The following WEE2 variants were observed in gnomAD, a reference collection of about 807,000 sequenced individuals.
WEE2 encodes WEE2 oocyte meiosis inhibiting kinase.
Under a neutral mutation model 60.1 loss-of-function variants are expected in WEE2, and 50 were observed. That is an observed-to-expected ratio of 0.83 (90% CI 0.66 to 1.05). The LOEUF (loss-of-function observed/expected upper bound fraction) is 1.05. Ranked by LOEUF, WEE2 falls within the 50% of genes least tolerant of loss-of-function variation. The pLI is 0.00. For synonymous variants in WEE2, 240 were observed against 241.0 expected (o/e 1.00, Z 0.04); for missense variants, 631 against 684.3 (o/e 0.92, Z 0.87).
At chr7:141,712,178 C>G (rs1001155245) in intron 1 of WEE2, among the ~76,000 whole-genome samples, 2 of 152,184 alleles carry the variant, frequency 1.3e-5, no homozygotes. Context: ...GGGGACTCAT[C>G]ATATTGACTG....
intron 1 of WEE2, among the ~76,000 whole-genome samples, chr7:141,710,275 G>C (rs1328707600): frequency 6.6e-6 from 1 of 152,178 alleles, no homozygotes; most frequent in Non-Finnish European, 1.5e-5. Flanking sequence ...GAACCCGCTG[G>C]ACAGATTCTC....
chr7:141,721,193 TCTTGCTTGGAAGC>T, intron 5 of WEE2, 137 bp downstream of exon 5: 11 of 1,013,094 alleles, frequency 1.1e-5, no homozygotes, highest in Non-Finnish European at 1.3e-5. Flanking sequence ...TATATTATAG[TCTTGCTTGGAAGC>T]ACAGAGCTTC....
At position 141,724,462 on chromosome 7, in the gene WEE2, G is replaced by A. The variant is rs77764535; in HGVS notation, c.1221+187G>A. Among the ~76,000 whole-genome samples, 757 of 152,322 alleles carry A rather than the reference G, an allele frequency of 5.0e-3. 7 individuals are homozygous for A. Among genetic ancestry groups the A allele is most frequent in the African/African-American group, 0.017 (718 of 41,562 alleles). On this transcript the variant is annotated intron_variant, in intron 8 of 11. Coordinates refer to ENST00000397541, the MANE Select transcript of WEE2 (RefSeq NM_001105558.1). Reference sequence around the variant, plus strand: ...AAGTGAGGAAAGCTGGCTCAGTCAAGGATGAATCAGTATTCAGACTATTCT... The same window carrying A: ...AAGTGAGGAAAGCTGGCTCAGTCAAAGATGAATCAGTATTCAGACTATTCT...
chr7:141,710,905 G>T (rs1798699962), intron 1 of WEE2, among the ~76,000 whole-genome samples: 2 of 152,034 alleles, frequency 1.3e-5, no homozygotes, highest in Admixed American at 1.3e-4. Context: ...GGATTTTTTT[G>T]GAAAAATCAT....
Position 141,709,071 on chromosome 7 carries a change from C to T in WEE2, c.313C>T (p.Leu105=). 1 of 1,614,010 alleles carries T rather than the reference C, an allele frequency of 6.2e-7. No homozygotes were observed. The highest frequency in any genetic ancestry group is 1.7e-5 in the Admixed American group (1 of 60,026). Residue 105 remains leucine, a synonymous_variant, in exon 1 of 12, where the codon CTG becomes TTG. Transcript: ENST00000397541. The part of the protein sequence containing the change: ...PAQPDSRSKL[L]PSDSPSTPKT... ...CCAACCAGACAGCAGGAGCAAGCTG[C>T]TGCCCAGTGACAGCCCCTCTACTCC...
chr7:141,713,949 G>T (rs1798748860), intron 1 of WEE2, among the ~76,000 whole-genome samples: 1 of 152,152 alleles, frequency 6.6e-6, no homozygotes, highest in South Asian at 2.1e-4. Context: ...TAACAGAATT[G>T]CCCAGGGGAA....
Position 141,719,112 on chromosome 7 carries a change from A to G in WEE2, c.626A>G (p.Glu209Gly). ...LRETNMASRY[E>G]KEFLEVEKIG... ...GAAACCAACATGGCTTCCCGCTATGAAAAAGAATTCTTGGAGGTTGAAAAA... is the reference window on the plus strand; with the variant it reads ...GAAACCAACATGGCTTCCCGCTATGGAAAAGAATTCTTGGAGGTTGAAAAA... Residue 209 changes from glutamate to glycine, a missense_variant, in exon 4 of 12, where the codon GAA becomes GGA. Glu to Gly is a moderately conservative substitution (Grantham distance 98, BLOSUM62 -2). Transcript: ENST00000397541. 6.2e-7 allele frequency: 1 copy of G among 1,614,090 alleles called. No individual in the cohort carries two copies. The highest frequency in any genetic ancestry group is 8.5e-7 in the Non-Finnish European group (1 of 1,179,996).
Position 141,727,394 on chromosome 7 carries a change from G to C in WEE2, c.1483G>C (p.Glu495Gln). 1 of 1,614,100 alleles carries C rather than the reference G, an allele frequency of 6.2e-7. No homozygotes were observed. The highest frequency in any genetic ancestry group is 1.1e-5 in the South Asian group (1 of 91,058). ...VLRPSLGKTE[E>Q]LQQQLNLEKF... ...CCGGCCTTCCCTGGGAAAAACAGAA[G>C]AGCTCCAACAGCAGCTGAATTTGGA... Residue 495 changes from glutamate (E) to glutamine (Q), a missense_variant, in exon 10 of 12, where the codon GAG (glutamate) becomes CAG (glutamine). By Grantham distance (29) the Glu-to-Gln change is conservative. Transcript: ENST00000397541.
chr7:141,718,665 G>C (rs1166554419), intron 3 of WEE2, among the ~76,000 whole-genome samples: 3 of 152,102 alleles, frequency 2.0e-5, no homozygotes, highest in Non-Finnish European at 4.4e-5. Flanking sequence ...TTAGCATTCA[G>C]ACTTTAAGAC....
Position 141,708,655 on chromosome 7 carries a change from C to T in WEE2, c.-104C>T, listed in dbSNP as rs981915156. ...TAGAGGGAAATTCAGGCTACCGTCG[C>T]GAAACCTGCAGGTTAAGTTATTTTC... is the stretch of plus-strand genomic sequence containing the variant. On this transcript the variant is annotated 5_prime_UTR_variant, in exon 1 of 12. Transcript: ENST00000397541. 3.9e-6 allele frequency: 4 copies of T among 1,027,882 alleles called. No homozygotes were observed. Among genetic ancestry groups the T allele is most frequent in the East Asian group, 2.4e-5 (1 of 41,882 alleles). 63.7% of individuals were successfully genotyped at this position (1,027,882 alleles called of 1,614,324 possible). A position where few individuals can be genotyped will look rare whatever the true frequency, so the allele number is the denominator to read the frequency against.
rs573491984 is a variant in WEE2 at position 141,709,016 on chromosome 7, A to G, written c.258A>G (p.Ser86=). The change falls in exon 1 of 12, where the codon TCA becomes TCG. Residue 86 remains serine (S), a synonymous_variant. Coordinates refer to ENST00000397541, the MANE Select transcript of WEE2 (RefSeq NM_001105558.1). ...ATCAGATTTTGAGGACTCCAGTGTC[A>G]CACCCTCTCAAATGTCCTGAGACAC... ...SPDQILRTPV[S]HPLKCPETPA... 4 of 1,614,166 alleles carry G rather than the reference A, an allele frequency of 2.5e-6. No individual in the cohort carries two copies. Among genetic ancestry groups the G allele is most frequent in the Non-Finnish European group, 3.4e-6 (4 of 1,180,018 alleles).
chr7:141,727,180 C>T, intron 9 of WEE2, 124 bp from the exon 10 acceptor site: 1 of 1,051,888 alleles, frequency 9.5e-7, no homozygotes, highest in South Asian at 1.6e-5. Flanking sequence ...CTTTCCTCTG[C>T]ACAAAGCAGA....
chr7:141,725,668 C>T (rs550081876), intron 9 of WEE2, among the ~76,000 whole-genome samples: 22 of 150,334 alleles, frequency 1.5e-4, no homozygotes, highest in African/African-American at 4.1e-4. Context: ...GGGCGTGGAT[C>T]GAGAATTTCT....
chr7:141,717,664 A>T (rs529304957), intron 3 of WEE2, among the ~76,000 whole-genome samples: 20 of 152,348 alleles, frequency 1.3e-4, no homozygotes, highest in African/African-American at 4.8e-4. Flanking sequence ...ATATGCGTGT[A>T]TATCTTTAAA....
At position 141,727,469 on chromosome 7, in the gene WEE2, G is replaced by T. The variant is rs771236537; in HGVS notation, c.1535+23G>T. 3.1e-6 allele frequency: 5 copies of T among 1,612,856 alleles called. No homozygotes were observed. In the African/African-American group the frequency reaches 5.3e-5, roughly 17 times the overall value. On this transcript the variant is annotated intron_variant, in intron 10 of 11. Coordinates refer to ENST00000397541, the MANE Select transcript of WEE2 (RefSeq NM_001105558.1). ...AAGGTATATTTTTGGATGATGGGGG[G>T]TCAAGAAAGAATCTGAGCACTACTC... is the stretch of plus-strand genomic sequence containing the variant.
chr7:141,712,590 A>T (rs1798725272), intron 1 of WEE2, among the ~76,000 whole-genome samples: 1 of 152,214 alleles, frequency 6.6e-6, no homozygotes, highest in African/African-American at 2.4e-5. Context: ...CGACTATATT[A>T]ACATAATATT....
At position 141,708,939 on chromosome 7, in the gene WEE2, A is replaced by G. The variant is rs1468131074; in HGVS notation, c.181A>G (p.Ser61Gly). Reference protein sequence around the residue: ...AKGTPPWTPLSNVHELDTSSE... With the variant: ...AKGTPPWTPLGNVHELDTSSE... Reference sequence around the variant, plus strand: ...GGGTACACCACCTTGGACTCCCCTTAGCAACGTGCATGAGCTCGACACATC... The same window carrying G: ...GGGTACACCACCTTGGACTCCCCTTGGCAACGTGCATGAGCTCGACACATC... Residue 61 changes from serine (S) to glycine (G), a missense_variant, in exon 1 of 12, where the codon AGC becomes GGC. Ser to Gly is a moderately conservative substitution (Grantham distance 56). Transcript: ENST00000397541. 3.7e-6 allele frequency: 6 copies of G among 1,614,190 alleles called. No homozygotes were observed. The highest frequency in any genetic ancestry group is 5.1e-6 in the Non-Finnish European group (6 of 1,180,026).
chr7:141,715,570 T>C (rs1798780357), intron 2 of WEE2, among the ~76,000 whole-genome samples: 1 of 152,228 alleles, frequency 6.6e-6, no homozygotes, highest in African/African-American at 2.4e-5. Flanking sequence ...CAAGTATGCA[T>C]GGCAAAGAGG....
In WEE2 at chr7:141,728,861, G is replaced by T. The variant is rs148375954; in HGVS notation, c.1536-670G>T. On this transcript the variant is annotated intron_variant, in intron 10 of 11. Transcript: ENST00000397541. ...GTAAACTGTGCATGTGAGGGATCTA[G>T]GTTGTGTACTCCTTCAAGAATCTAA... Among the ~76,000 whole-genome samples, 604 of 152,310 alleles carry T rather than the reference G, an allele frequency of 4.0e-3. 4 individuals are homozygous for T. Among genetic ancestry groups the T allele is most frequent in the African/African-American group, 0.014 (574 of 41,574 alleles).
Sources: gnomAD v4.1 joint callset for allele counts (sites outside exome capture counted in the v4.1 genomes callset) on GRCh38, gnomAD v4.1.1 for gene constraint, MANE v1.5 for transcripts, NCBI Gene and HGNC (gene_info 2026-07-23, HGNC 2026-07-21) for gene names.